Variants in CCSER1 observed in about 807,000 individuals in gnomAD.
CCSER1 encodes coiled-coil serine rich protein 1.
A neutral mutation model predicts 82.0 loss-of-function variants in CCSER1; 41 were observed. That is an observed-to-expected ratio of 0.50 (90% CI 0.39 to 0.65). The LOEUF is 0.65. Ranked by LOEUF, CCSER1 falls within the 30% of genes least tolerant of loss-of-function variation. The pLI is 0.00. For synonymous variants in CCSER1, 414 were observed against 383.9 expected, an observed-to-expected ratio of 1.08 and a Z score of -0.92; for missense variants, 1,119 against 1,064.2, an observed-to-expected ratio of 1.05 and a Z score of -0.72.
intron 6 of CCSER1, among the ~76,000 whole-genome samples, chr4:90,665,041 T>C (rs534978761): frequency 6.6e-6 from 1 of 152,184 alleles, no homozygotes; most frequent in Non-Finnish European, 1.5e-5. Context: ...AAAATTCAAG[T>C]CCTTGTTTAG....
intron 10 of CCSER1, among the ~76,000 whole-genome samples, chr4:91,485,168 AT>A (rs2110056279): frequency 6.6e-6 from 1 of 152,228 alleles, no homozygotes; most frequent in South Asian, 2.1e-4. Context: ...TAAAAAAAAA[AT>A]GAATAGGAAA....
chr4:90,160,044 A>G (rs10030534), intron 1 of CCSER1, among the ~76,000 whole-genome samples: 1,811 of 152,296 alleles, frequency 0.012, 31 homozygotes, highest in African/African-American at 0.042. Flanking sequence ...CATTTTACAG[A>G]TTGGAAAATT....
chr4:90,205,473 C>T (rs529545975), intron 1 of CCSER1, among the ~76,000 whole-genome samples: 11 of 152,182 alleles, frequency 7.2e-5, no homozygotes, highest in East Asian at 3.9e-4. Flanking sequence ...TTTTTGTCTT[C>T]GGTTCTGTTT....
chr4:91,263,392 T>C (rs1285654431), intron 10 of CCSER1, among the ~76,000 whole-genome samples: 2 of 152,078 alleles, frequency 1.3e-5, no homozygotes, highest in South Asian at 4.1e-4. Flanking sequence ...TTCAAGTTTA[T>C]TCATTTTTCT....
At chr4:91,013,779 A>ATT (rs10712693) in intron 9 of CCSER1, among the ~76,000 whole-genome samples, 6 of 104,558 alleles carry the variant, frequency 5.7e-5, no homozygotes, top group African/African-American at 1.8e-4. Flanking sequence ...TTGTTTTTGT[A>ATT]TTTTTTTTTT....
At chr4:90,850,661 C>T (rs1019181041) in intron 8 of CCSER1, among the ~76,000 whole-genome samples, 2 of 152,172 alleles carry the variant, frequency 1.3e-5, no homozygotes, top group Non-Finnish European at 2.9e-5. Context: ...ACGCATTTAC[C>T]CAATTCCTGT....
chr4:90,208,708 C>T (rs968577982), intron 1 of CCSER1, among the ~76,000 whole-genome samples: 4 of 152,128 alleles, frequency 2.6e-5, no homozygotes, highest in African/African-American at 9.7e-5. Flanking sequence ...GGCCAGAATG[C>T]ACTGTTCCTC....
intron 9 of CCSER1, among the ~76,000 whole-genome samples, chr4:90,985,178 A>C (rs1372590771): frequency 6.6e-6 from 1 of 151,648 alleles, no homozygotes; most frequent in Non-Finnish European, 1.5e-5. Context: ...TTAATAAGTG[A>C]GTTTTTGTTT....
Position 91,598,803 on chromosome 4 carries a change from G to A in CCSER1, c.2449G>A (p.Val817Ile), listed in dbSNP as rs1432408701. The A allele has an allele frequency of 4.5e-6, 7 of 1,551,486 alleles. No individual in the cohort carries two copies. The highest frequency in any genetic ancestry group is 6.1e-6 in the Non-Finnish European group (7 of 1,146,922). The change falls in exon 11 of 11, where the codon GTT becomes ATT. Residue 817 changes from valine to isoleucine, a missense_variant. Val to Ile is a conservative substitution (Grantham distance 29). Transcript: ENST00000509176. ...AACTTATGAAACCCTCACTTCAGAC[G>A]TTACACAGAACTTACGGGCCACCGT... is the stretch of plus-strand genomic sequence containing the variant. ...RGTYETLTSD[V>I]TQNLRATVGQ...
At chr4:91,258,126 TGTTTAATTA>T (rs1740838423) in intron 10 of CCSER1, among the ~76,000 whole-genome samples, 1 of 141,030 alleles carries the variant, frequency 7.1e-6, no homozygotes, top group African/African-American at 2.8e-5. Flanking sequence ...ATGCTGTGGT[TGTTTAATTA>T]GTTTTACAAA....
chr4:91,163,767 T>G (rs997438618), intron 10 of CCSER1, among the ~76,000 whole-genome samples: 4 of 151,712 alleles, frequency 2.6e-5, no homozygotes, highest in African/African-American at 7.3e-5. Context: ...TGCTTTTTTT[T>G]GCTTTGCATT....
At chr4:90,614,166 T>C (rs763639198) in intron 5 of CCSER1, among the ~76,000 whole-genome samples, 9 of 152,176 alleles carry the variant, frequency 5.9e-5, no homozygotes, top group Non-Finnish European at 1.0e-4. Flanking sequence ...CAGCAATCTT[T>C]GATGTTACTA....
intron 10 of CCSER1, among the ~76,000 whole-genome samples, chr4:91,269,663 T>C (rs1342665085): frequency 2.0e-5 from 3 of 152,228 alleles, no homozygotes; most frequent in Non-Finnish European, 4.4e-5. Flanking sequence ...TACTTGTGAA[T>C]GATAATTTCA....
chr4:90,266,351 G>A (rs1008528407), intron 1 of CCSER1, among the ~76,000 whole-genome samples: 1 of 151,900 alleles, frequency 6.6e-6, no homozygotes, highest in African/African-American at 2.4e-5. Context: ...TGTATTGTAT[G>A]TAAATCATTG....
chr4:90,578,182 C>A (rs1258179571), intron 5 of CCSER1, among the ~76,000 whole-genome samples: 1 of 151,414 alleles, frequency 6.6e-6, no homozygotes, highest in African/African-American at 2.4e-5. Flanking sequence ...TAGCTTTATA[C>A]TTCTTCTGTA....
chr4:91,601,711 T>C lies in CCSER1; in HGVS notation c.*2654T>C, dbSNP rs1187147208. The C allele has an allele frequency of 4.0e-5, 6 of 151,232 alleles. No individual in the cohort carries two copies. Among genetic ancestry groups the C allele is most frequent in the African/African-American group, 1.5e-4 (6 of 40,660 alleles). The allele number at this position is 151,232 out of a possible 1,614,324, so 9.4% of individuals were successfully genotyped here. On this transcript the variant is annotated 3_prime_UTR_variant, in exon 11 of 11. Transcript: ENST00000509176. ...TTTTCTGATGGAAGCAGTGGTCTTT[T>C]CTTTTCTTTCCTCTTTCTTTTGTGC...
rs201081547 is a variant in CCSER1 at position 90,746,447 on chromosome 4, A to G, written c.2010+22456A>G. 4.6e-5 allele frequency among the ~76,000 whole-genome samples: 7 copies of G among 152,174 alleles called. No homozygotes were observed. The East Asian group carries it at 1.3e-3, about 29-fold the overall frequency. ...CTTAAATAATACAACAAATCCTATC[A>G]AGCTATACACATAATATCAGCCTAC... On this transcript the variant is annotated intron_variant, in intron 7 of 10. Transcript: ENST00000509176.
At chr4:90,229,500 C>A (rs1256073236) in intron 1 of CCSER1, among the ~76,000 whole-genome samples, 1 of 151,994 alleles carries the variant, frequency 6.6e-6, no homozygotes, top group Non-Finnish European at 1.5e-5. Context: ...CAACTGATAC[C>A]AGCCGCTGCA....
At chr4:90,289,613 G>A (rs1578981797) in intron 1 of CCSER1, among the ~76,000 whole-genome samples, 2 of 151,766 alleles carry the variant, frequency 1.3e-5, no homozygotes, top group East Asian at 1.9e-4. Context: ...ATCTTAATTT[G>A]TAGCTCACAT....
Sources: gnomAD v4.1 joint callset for allele counts (sites outside exome capture counted in the v4.1 genomes callset) on GRCh38, gnomAD v4.1.1 for gene constraint, MANE v1.5 for transcripts, NCBI Gene and HGNC (gene_info 2026-07-23, HGNC 2026-07-21) for gene names.